Variants in PEX13 observed in about 807,000 individuals in gnomAD.
PEX13 encodes peroxisomal biogenesis factor 13.
A neutral mutation model predicts 34.5 loss-of-function variants in PEX13; 28 were observed. That is an observed-to-expected ratio of 0.81 (90% confidence interval 0.60 to 1.11). PEX13 has a LOEUF of 1.11. Among genes scored for constraint, PEX13 ranks in the 50% most tolerant of loss-of-function variants. The probability of loss-of-function intolerance (pLI) is 0.00; values close to 1 mark genes in which losing one functional copy is unlikely to be tolerated. For missense variants in PEX13, 550 were observed against 491.0 expected (o/e 1.12, Z -1.13); for synonymous variants, 177 against 175.1 (o/e 1.01, Z -0.09).
intron 3 of PEX13, among the ~76,000 whole-genome samples, chr2:61,047,436 G>T (rs953628329): frequency 3.3e-5 from 5 of 152,144 alleles, no homozygotes; most frequent in Non-Finnish European, 5.9e-5. Flanking sequence ...TTACAGATGT[G>T]TACCACCACG....
At chr2:61,032,451 TAAG>T (rs1680468147) in intron 2 of PEX13, among the ~76,000 whole-genome samples, 1 of 152,224 alleles carries the variant, frequency 6.6e-6, no homozygotes, top group African/African-American at 2.4e-5. Context: ...GAAAGTGTGA[TAAG>T]AAATATAACA....
chr2:61,026,012 T>C (rs1288841043), intron 1 of PEX13, among the ~76,000 whole-genome samples: 5 of 152,142 alleles, frequency 3.3e-5, no homozygotes, highest in Non-Finnish European at 7.4e-5. Flanking sequence ...GCCCAGCTTC[T>C]CATCCTGTCA....
chr2:61,047,586 A>C (rs1481942638), intron 3 of PEX13, among the ~76,000 whole-genome samples: 3 of 152,240 alleles, frequency 2.0e-5, no homozygotes, highest in South Asian at 2.1e-4. Flanking sequence ...GGTTTCTTTC[A>C]GTTACATAAC....
chr2:61,029,076 A>G (rs1274463396), intron 1 of PEX13, among the ~76,000 whole-genome samples: 1 of 145,948 alleles, frequency 6.9e-6, no homozygotes, highest in South Asian at 2.2e-4. Flanking sequence ...AGGCAGAAGG[A>G]TTACTTGAGC....
intron 2 of PEX13, among the ~76,000 whole-genome samples, chr2:61,033,518 T>A (rs978826979): frequency 6.6e-6 from 1 of 152,206 alleles, no homozygotes; most frequent in East Asian, 1.9e-4. Flanking sequence ...GAATAAAATA[T>A]ATTCTAAAAA....
chr2:61,018,110 G>C (rs995053328), intron 1 of PEX13: 12 of 1,546,194 alleles, frequency 7.8e-6, no homozygotes, highest in Non-Finnish European at 9.6e-6. Flanking sequence ...CTCTGTGCTT[G>C]AAAGAAAGGG....
rs1289801954 is a variant in PEX13, at chr2:61,051,691, A to T, written c.*2921A>T. On this transcript the variant is annotated 3_prime_UTR_variant, in exon 4 of 4. Transcript: ENST00000295030. ...GAAATTACTAACACACCAAAACATTATTAATTAAATAAAATATAAGTTTAC... is the reference window on the plus strand; with the variant it reads ...GAAATTACTAACACACCAAAACATTTTTAATTAAATAAAATATAAGTTTAC... The T allele has an allele frequency of 6.6e-6, 1 of 152,220 alleles. No homozygotes were observed. The highest frequency in any genetic ancestry group is 6.5e-5 in the Admixed American group (1 of 15,290). The allele number at this position is 152,220 out of a possible 1,614,324, so 9.4% of individuals were successfully genotyped here.
chr2:61,021,758 C>G (rs571188145), intron 1 of PEX13, among the ~76,000 whole-genome samples: 1 of 152,218 alleles, frequency 6.6e-6, no homozygotes. Flanking sequence ...CTGGGAAACA[C>G]CTCCCAGTAG....
chr2:61,020,780 G>A (rs1034721803), intron 1 of PEX13, among the ~76,000 whole-genome samples: 2 of 151,878 alleles, frequency 1.3e-5, no homozygotes, highest in African/African-American at 2.4e-5. Flanking sequence ...TCAGTCTCCC[G>A]GACAGTTGAG....
chr2:61,037,142 CAA>C (rs1438108536), intron 2 of PEX13, among the ~76,000 whole-genome samples: 1 of 152,190 alleles, frequency 6.6e-6, no homozygotes, highest in Non-Finnish European at 1.5e-5. Flanking sequence ...TAGAGACTTA[CAA>C]AGAGACTTAG....
rs958350556 is a variant in PEX13 at position 61,051,746 on chromosome 2, C to A, written c.*2976C>A. On this transcript the variant is annotated 3_prime_UTR_variant, in exon 4 of 4. Coordinates refer to ENST00000295030, the MANE Select transcript of PEX13 (RefSeq NM_002618.4). ...ATAAAACATGTTTCTTTTAATTTTT[C>A]TGATTATATTTTATGAGTTCAGAAA... 2 of 152,066 alleles carry A rather than the reference C, an allele frequency of 1.3e-5. No individual in the cohort carries two copies. The highest frequency in any genetic ancestry group is 1.9e-4 in the East Asian group (1 of 5,272). The allele number at this position is 152,066 out of a possible 1,614,324, so 9.4% of individuals were successfully genotyped here. A position where few individuals can be genotyped will look rare whatever the true frequency, so the allele number is the denominator to read the frequency against.
chr2:61,033,847 A>G (rs1186381362), intron 2 of PEX13, among the ~76,000 whole-genome samples: 3 of 152,204 alleles, frequency 2.0e-5, no homozygotes, highest in African/African-American at 7.2e-5. Context: ...GCAAAGTGTT[A>G]GTGGCAGGAG....
chr2:61,048,917 C>A lies in PEX13; in HGVS notation c.*147C>A. 1.4e-6 allele frequency: 1 copy of A among 700,486 alleles called. No homozygotes were observed. Among genetic ancestry groups the A allele is most frequent in the Non-Finnish European group, 2.4e-6 (1 of 409,586 alleles). 43.4% of individuals were successfully genotyped at this position (700,486 alleles called of 1,614,324 possible). Reference sequence around the variant, plus strand: ...GCTGCTAGAAATTATTAAAGTTACACACTAGTATGTTGGTCTGGTGACCTG... The same window carrying A: ...GCTGCTAGAAATTATTAAAGTTACAAACTAGTATGTTGGTCTGGTGACCTG... On this transcript the variant is annotated 3_prime_UTR_variant, in exon 4 of 4. Coordinates refer to ENST00000295030, the MANE Select transcript of PEX13 (RefSeq NM_002618.4).
intron 2 of PEX13, among the ~76,000 whole-genome samples, chr2:61,040,259 T>C (rs1183357380): frequency 1.3e-5 from 2 of 152,224 alleles, no homozygotes; most frequent in Non-Finnish European, 2.9e-5. Context: ...GGATTATAAA[T>C]CGTGCTACTA....
At chr2:61,035,254 AACAAC>A (rs1680516400) in intron 2 of PEX13, among the ~76,000 whole-genome samples, 2 of 152,328 alleles carry the variant, frequency 1.3e-5, no homozygotes, top group South Asian at 4.1e-4. Flanking sequence ...AAGGAAAACT[AACAAC>A]AGAAAGGAAT....
chr2:61,032,097 C>G lies in PEX13; in HGVS notation c.771C>G (p.His257Gln), dbSNP rs751651112. Residue 257 changes from histidine to glutamine, a missense_variant, in exon 2 of 4, where the codon CAC (histidine) becomes CAG (glutamine). By Grantham distance (24) the His-to-Gln change is conservative (BLOSUM62 0). Transcript: ENST00000295030. ...PYLIWKLLST[H>Q]SDEVTDSINW... Reference sequence around the variant, plus strand: ...TCATTTGGAAACTATTGTCTACTCACAGTGATGAAGTAACAGGTAAGAGAA... The same window carrying G: ...TCATTTGGAAACTATTGTCTACTCAGAGTGATGAAGTAACAGGTAAGAGAA... 3.7e-6 allele frequency: 6 copies of G among 1,611,922 alleles called. No homozygotes were observed. Among genetic ancestry groups the G allele is most frequent in the Non-Finnish European group, 5.1e-6 (6 of 1,178,130 alleles).
At chr2:61,032,781 T>G (rs1680473778) in intron 2 of PEX13, among the ~76,000 whole-genome samples, 1 of 152,170 alleles carries the variant, frequency 6.6e-6, no homozygotes, top group Non-Finnish European at 1.5e-5. Flanking sequence ...AAATGGCATC[T>G]AAGTTAGATT....
chr2:61,051,654 T>G lies in PEX13; in HGVS notation c.*2884T>G, dbSNP rs951439872. ...TATTTTTAGGAACTTATTTAAGGAG[T>G]GCTACTTTACAGAAATTACTAACAC... On this transcript the variant is annotated 3_prime_UTR_variant, in exon 4 of 4. Transcript: ENST00000295030. 2 of 152,166 alleles carry G rather than the reference T, an allele frequency of 1.3e-5. No individual in the cohort carries two copies. The highest frequency in any genetic ancestry group is 2.9e-5 in the Non-Finnish European group (2 of 68,018). 9.4% of individuals were successfully genotyped at this position (152,166 alleles called of 1,614,324 possible). A position where few individuals can be genotyped will look rare whatever the true frequency, so the allele number is the denominator to read the frequency against.
At chr2:61,045,140 CAT>C (rs1169505323) in intron 2 of PEX13, among the ~76,000 whole-genome samples, 1 of 152,174 alleles carries the variant, frequency 6.6e-6, no homozygotes, top group Admixed American at 6.6e-5. Context: ...ACCACATACT[CAT>C]AGACTCATAT....
Sources: gnomAD v4.1 joint callset for allele counts (sites outside exome capture counted in the v4.1 genomes callset) on GRCh38, gnomAD v4.1.1 for gene constraint, MANE v1.5 for transcripts, NCBI Gene and HGNC (gene_info 2026-07-23, HGNC 2026-07-21) for gene names.